The following PRKCE variants were observed in gnomAD, a reference collection of about 807,000 sequenced individuals.
PRKCE encodes the protein protein kinase C epsilon type.
In PRKCE, 16 loss-of-function variants were observed where a neutral mutation model predicts 85.4. That is an observed-to-expected ratio of 0.19 (90% confidence interval 0.13 to 0.28). The LOEUF is 0.28. PRKCE is among the 10% of genes least tolerant of loss of function. The pLI is 1.00. For missense variants in PRKCE, 573 were observed against 975.2 expected (o/e 0.59, Z 5.49); for synonymous variants, 388 against 371.5 (o/e 1.04, Z -0.51).
At chr2:45,883,013 C>T (rs1196244334) in intron 2 of PRKCE, among the ~76,000 whole-genome samples, 6 of 152,218 alleles carry the variant, frequency 3.9e-5, no homozygotes, top group African/African-American at 1.4e-4. Flanking sequence ...GACGGCCAGT[C>T]GCTACTCAAA....
chr2:46,058,233 C>A, intron 10 of PRKCE, among the ~76,000 whole-genome samples: 1 of 152,228 alleles, frequency 6.6e-6, no homozygotes, highest in East Asian at 1.9e-4. Flanking sequence ...AGACTTGAGG[C>A]TTCCCTCTTG....
chr2:45,809,472 T>A (rs1248136691), intron 1 of PRKCE, among the ~76,000 whole-genome samples: 1 of 152,180 alleles, frequency 6.6e-6, no homozygotes, highest in African/African-American at 2.4e-5. Context: ...AATCACTACA[T>A]ATTCTATTAG....
At chr2:45,704,938 C>A (rs17034044) in intron 1 of PRKCE, among the ~76,000 whole-genome samples, 3,937 of 152,264 alleles carry the variant, frequency 0.026, 177 homozygotes, top group African/African-American at 0.091. Context: ...TAATTCTCAG[C>A]CCCTTTCCTT....
intron 10 of PRKCE, among the ~76,000 whole-genome samples, chr2:46,081,988 G>A (rs925432976): frequency 1.2e-4 from 19 of 152,090 alleles, no homozygotes; most frequent in Admixed American, 1.2e-3. Context: ...CCAGCTACTC[G>A]GGAGGCTGAG....
chr2:46,006,793 G>C (rs771288761), intron 8 of PRKCE, among the ~76,000 whole-genome samples: 31 of 152,212 alleles, frequency 2.0e-4, no homozygotes, highest in Non-Finnish European at 4.4e-5. Flanking sequence ...TTGAGAAATT[G>C]TACTGAGAAA....
rs773407788 is a variant in PRKCE, at chr2:45,743,992, GTGT to G, written c.348+91546_348+91548del. Among the ~76,000 whole-genome samples, 35 of 70,264 alleles carry G rather than the reference GTGT, an allele frequency of 5.0e-4. 1 individual carries two copies. Among genetic ancestry groups the G allele is most frequent in the African/African-American group, 6.8e-4 (21 of 30,962 alleles). The allele number at this position is 70,264 out of a possible 152,430, so 46.1% of individuals were successfully genotyped here. A position where few individuals can be genotyped will look rare whatever the true frequency, so the allele number is the denominator to read the frequency against. ...AGTAGATTGTAGATTTGGCCGTTGT[GTGT>G]TTTTTTTTTTTTTTTCCAGATAATG... On this transcript the variant is annotated intron_variant, in intron 1 of 14. Transcript: ENST00000306156.
At chr2:45,787,823 T>A (rs1558671137) in intron 1 of PRKCE, among the ~76,000 whole-genome samples, 1 of 152,152 alleles carries the variant, frequency 6.6e-6, no homozygotes, top group Non-Finnish European at 1.5e-5. Flanking sequence ...CCTCAAGGGA[T>A]GAAGTTCTCA....
chr2:45,697,344 C>T lies in PRKCE; in HGVS notation c.348+44896C>T, dbSNP rs139972350. Among the ~76,000 whole-genome samples, 1,044 of 152,114 alleles carry T rather than the reference C, an allele frequency of 6.9e-3. 10 individuals are homozygous for T. The highest frequency in any genetic ancestry group is 8.4e-3 in the Non-Finnish European group (571 of 67,970). On this transcript the variant is annotated intron_variant, in intron 1 of 14. Coordinates refer to ENST00000306156, the MANE Select transcript of PRKCE (RefSeq NM_005400.3). The surrounding 1 kb of genome is among the most constrained non-coding windows in gnomAD (Gnocchi z 4.2). ...ATCTGGAGAGCTCTGGTCTGGCTGA[C>T]GCTGTTGCCCTCTCTGCCTCTTAAT...
At chr2:45,977,288 A>T (rs181046827) in intron 3 of PRKCE, among the ~76,000 whole-genome samples, 52 of 152,250 alleles carry the variant, frequency 3.4e-4, no homozygotes, top group Non-Finnish European at 7.1e-4. Flanking sequence ...AAAATAATTC[A>T]CTGAATTATT....
At chr2:46,042,542 T>A (rs1468720812) in intron 10 of PRKCE, among the ~76,000 whole-genome samples, 1 of 152,234 alleles carries the variant, frequency 6.6e-6, no homozygotes, top group African/African-American at 2.4e-5. Flanking sequence ...CCTGCAGTTC[T>A]CTCTCTTTGC....
intron 2 of PRKCE, among the ~76,000 whole-genome samples, chr2:45,891,209 A>T (rs764966088): frequency 6.6e-6 from 1 of 152,184 alleles, no homozygotes; most frequent in African/African-American, 2.4e-5. Flanking sequence ...TACAGCCTTT[A>T]CCAATATAGA....
intron 10 of PRKCE, among the ~76,000 whole-genome samples, chr2:46,022,900 G>C (rs577409215): frequency 6.6e-6 from 1 of 151,784 alleles, no homozygotes; most frequent in Non-Finnish European, 1.5e-5. Context: ...TGGCTAACAA[G>C]GTGAAATCCC....
chr2:45,936,032 G>A (rs753629536), intron 2 of PRKCE, among the ~76,000 whole-genome samples: 59 of 152,188 alleles, frequency 3.9e-4, no homozygotes, highest in Non-Finnish European at 2.4e-4. Flanking sequence ...GTGTGTGCTC[G>A]TAGGAGACCC....
intron 11 of PRKCE, among the ~76,000 whole-genome samples, chr2:46,141,652 A>AT (rs1401039561): frequency 6.6e-6 from 1 of 152,190 alleles, no homozygotes; most frequent in African/African-American, 2.4e-5. Flanking sequence ...ATTGGCTCAC[A>AT]TATTGGGAAA....
chr2:45,725,792 C>T (rs187103906), intron 1 of PRKCE, among the ~76,000 whole-genome samples: 47 of 151,744 alleles, frequency 3.1e-4, no homozygotes, highest in Admixed American at 8.5e-4. Flanking sequence ...GATCACATCA[C>T]TGTACTCTAG....
chr2:46,029,243 G>A (rs188081995), intron 10 of PRKCE, among the ~76,000 whole-genome samples: 169 of 152,292 alleles, frequency 1.1e-3, no homozygotes, highest in Non-Finnish European at 2.1e-3. Context: ...CTTCTCCAAC[G>A]TCACATAGTT....
Position 46,187,236 on chromosome 2 carries a change from C to G in PRKCE, c.*2355C>G, listed in dbSNP as rs1680511543. On this transcript the variant is annotated 3_prime_UTR_variant, in exon 15 of 15. Transcript: ENST00000306156. Reference sequence around the variant, plus strand: ...TGTTTGCACGGCAGTGGGAACTGGGCCTTTCCTACAGGACAACTGGCAAGT... The same window carrying G: ...TGTTTGCACGGCAGTGGGAACTGGGGCTTTCCTACAGGACAACTGGCAAGT... 1 of 152,604 alleles carries G rather than the reference C, an allele frequency of 6.6e-6. No homozygotes were observed. Among genetic ancestry groups the G allele is most frequent in the African/African-American group, 2.4e-5 (1 of 41,450 alleles). 9.5% of individuals were successfully genotyped at this position (152,604 alleles called of 1,614,324 possible). A position where few individuals can be genotyped will look rare whatever the true frequency, so the allele number is the denominator to read the frequency against.
chr2:45,776,911 C>A (rs1409904227), intron 1 of PRKCE, among the ~76,000 whole-genome samples: 2 of 152,184 alleles, frequency 1.3e-5, no homozygotes, highest in Non-Finnish European at 2.9e-5. Flanking sequence ...CAAGGAATCA[C>A]CCCAGCCTTA....
chr2:46,087,452 G>T (rs1420470150), intron 11 of PRKCE, among the ~76,000 whole-genome samples: 1 of 152,158 alleles, frequency 6.6e-6, no homozygotes, highest in Non-Finnish European at 1.5e-5. Context: ...CCTGGGAGCA[G>T]TGCCCTGGCC....
Sources: allele counts gnomAD v4.1 joint callset (sites outside exome capture counted in the v4.1 genomes callset), GRCh38; gene constraint gnomAD v4.1.1; non-coding constraint Gnocchi (gnomAD v3.1); transcripts MANE v1.5; gene names NCBI Gene and HGNC (gene_info 2026-07-23, HGNC 2026-07-21).